The following ATXN7 variants were observed in gnomAD, a reference collection of about 807,000 sequenced individuals.
The protein encoded by ATXN7 is ataxin 7.
ATXN7 carries 12 observed loss-of-function variants against 70.5 expected under a neutral mutation model. That is an observed-to-expected ratio of 0.17 (90% confidence interval 0.11 to 0.28). ATXN7 has a LOEUF of 0.28. Ranked by LOEUF, ATXN7 falls within the 10% of genes least tolerant of loss-of-function variation. The pLI is 1.00. For synonymous variants in ATXN7, 498 were observed against 448.7 expected, an observed-to-expected ratio of 1.11 and a Z score of -1.39; for missense variants, 1,256 against 1,131.7, an observed-to-expected ratio of 1.11 and a Z score of -1.58.
intron 5 of ATXN7, among the ~76,000 whole-genome samples, chr3:63,956,918 C>G (rs1488048027): frequency 6.6e-6 from 1 of 152,098 alleles, no homozygotes; most frequent in Non-Finnish European, 1.5e-5. Context: ...AGTCAGAAGC[C>G]CCATTCTTTT....
Position 64,000,376 on chromosome 3 carries a change from A to T in ATXN7, c.*909A>T, listed in dbSNP as rs1469389950. 6.6e-6 allele frequency: 1 copy of T among 152,510 alleles called. No homozygotes were observed. Among genetic ancestry groups the T allele is most frequent in the Non-Finnish European group, 1.5e-5 (1 of 68,010 alleles). The allele number at this position is 152,510 out of a possible 1,614,324, so 9.4% of individuals were successfully genotyped here. A position where few individuals can be genotyped will look rare whatever the true frequency, so the allele number is the denominator to read the frequency against. On this transcript the variant is annotated 3_prime_UTR_variant, in exon 13 of 13. Transcript: ENST00000674280. ...AGATGAAATTTTCTTAATCCTTTTA[A>T]GTTTTCATAGTAAACAGTATGGCAG...
At chr3:63,995,054 A>G (rs148227818) in intron 11 of ATXN7, among the ~76,000 whole-genome samples, 1 of 152,184 alleles carries the variant, frequency 6.6e-6, no homozygotes, top group Non-Finnish European at 1.5e-5. Flanking sequence ...ACATTTATTC[A>G]GTGCCTTCTG....
chr3:64,002,553 T>A lies in ATXN7; in HGVS notation c.*3086T>A, dbSNP rs2075845109. ...TACTCAGCACATGTATGTTACTATG[T>A]GATGTGGTTTAAAACTAATGGAAAA... On this transcript the variant is annotated 3_prime_UTR_variant, in exon 13 of 13. Coordinates refer to ENST00000674280, the MANE Select transcript of ATXN7 (RefSeq NM_001377405.1). The A allele has an allele frequency of 6.6e-6, 1 of 152,178 alleles. No homozygotes were observed. Among genetic ancestry groups the A allele is most frequent in the Non-Finnish European group, 1.5e-5 (1 of 68,030 alleles). The allele number at this position is 152,178 out of a possible 1,614,324, so 9.4% of individuals were successfully genotyped here. A position where few individuals can be genotyped will look rare whatever the true frequency, so the allele number is the denominator to read the frequency against.
intron 11 of ATXN7, among the ~76,000 whole-genome samples, chr3:63,993,559 T>G (rs557102576): frequency 9.1e-4 from 138 of 152,332 alleles, no homozygotes; most frequent in African/African-American, 3.2e-3. Context: ...ATTTTTATTA[T>G]TTTTTATGTA....
intron 1 of ATXN7, among the ~76,000 whole-genome samples, chr3:63,887,889 T>C (rs1453438139): frequency 6.6e-6 from 1 of 152,084 alleles, no homozygotes; most frequent in East Asian, 1.9e-4. Context: ...TTCTTTTTTT[T>C]TTTTTTTAAT....
At chr3:63,976,766 C>T (rs1248679842) in intron 5 of ATXN7, among the ~76,000 whole-genome samples, 1 of 152,084 alleles carries the variant, frequency 6.6e-6, no homozygotes, top group African/African-American at 2.4e-5. Context: ...CAAAATTACG[C>T]AACAAAAACC....
chr3:63,917,172 G>A (rs1338203223), intron 4 of ATXN7, among the ~76,000 whole-genome samples: 2 of 152,160 alleles, frequency 1.3e-5, no homozygotes, highest in South Asian at 4.2e-4. Context: ...CACCCACCTC[G>A]GCCTCCCAAA....
intron 1 of ATXN7, among the ~76,000 whole-genome samples, chr3:63,895,785 CTCTCTCTCTCTCTCTGTG>C (rs906949011): frequency 2.7e-5 from 4 of 150,010 alleles, no homozygotes; most frequent in Non-Finnish European, 5.9e-5. Context: ...GTTTCTCTGT[CTCTCTCTCTCTCTCTGTG>C]TCTCTCTCTC....
intron 1 of ATXN7, among the ~76,000 whole-genome samples, chr3:63,895,757 CTT>C (rs1426896420): frequency 7.2e-5 from 11 of 151,784 alleles, no homozygotes; most frequent in African/African-American, 2.7e-4. Flanking sequence ...CTCTTTCTCT[CTT>C]TTCTGTCTCT....
At chr3:63,939,828 T>C (rs942893808) in intron 4 of ATXN7, among the ~76,000 whole-genome samples, 3 of 152,118 alleles carry the variant, frequency 2.0e-5, no homozygotes, top group African/African-American at 7.2e-5. Context: ...CAGAATGGGT[T>C]TGGAACTCCC....
At chr3:63,886,654 C>T (rs1185370051) in intron 1 of ATXN7, among the ~76,000 whole-genome samples, 1 of 152,116 alleles carries the variant, frequency 6.6e-6, no homozygotes, top group Non-Finnish European at 1.5e-5. Context: ...ATCTTTGCAA[C>T]TTTTCTGTAA....
At chr3:63,953,563 G>A (rs1312583645) in intron 5 of ATXN7, among the ~76,000 whole-genome samples, 1 of 152,136 alleles carries the variant, frequency 6.6e-6, no homozygotes, top group Non-Finnish European at 1.5e-5. Flanking sequence ...AAGGACAGAA[G>A]TAGGGGGAAT....
chr3:63,880,051 A>G (rs1200244160), intron 1 of ATXN7, among the ~76,000 whole-genome samples: 2 of 152,026 alleles, frequency 1.3e-5, no homozygotes, highest in Non-Finnish European at 1.5e-5. Flanking sequence ...GCGCCACTGC[A>G]CTCTATCCTG....
intron 5 of ATXN7, among the ~76,000 whole-genome samples, chr3:63,960,226 G>A (rs896411053): frequency 1.3e-5 from 2 of 152,214 alleles, no homozygotes; most frequent in South Asian, 2.1e-4. Flanking sequence ...TCCTTAGATG[G>A]AAGTGGTCTT....
In ATXN7 at chr3:63,950,926, TATC is replaced by T. The variant is rs761438383; in HGVS notation, c.395-1450_395-1448del. Among the ~76,000 whole-genome samples the T allele has an allele frequency of 5.4e-4, 82 of 152,312 alleles. 1 individual carries two copies. The highest frequency in any genetic ancestry group is 1.6e-3 in the Admixed American group (25 of 15,304). On this transcript the variant is annotated intron_variant, in intron 4 of 12. Coordinates refer to ENST00000674280, the MANE Select transcript of ATXN7 (RefSeq NM_001377405.1). ...TTGGAATCTGGAAGGACTCTCTAGA[TATC>T]ATTATTCCTCTGGTCTTCAAGAGGT... is the stretch of plus-strand genomic sequence containing the variant.
chr3:63,881,258 A>AGTG (rs1702899057), intron 1 of ATXN7, among the ~76,000 whole-genome samples: 1 of 151,624 alleles, frequency 6.6e-6, no homozygotes, highest in African/African-American at 2.4e-5. Flanking sequence ...GTGATTGAGT[A>AGTG]GTACCAATGC....
At chr3:63,962,925 TTC>T (rs2075155920) in intron 5 of ATXN7, among the ~76,000 whole-genome samples, 1 of 150,820 alleles carries the variant, frequency 6.6e-6, no homozygotes, top group Non-Finnish European at 1.5e-5. Context: ...TTTTTTTTTT[TTC>T]TTCTTCAAGA....
chr3:63,907,456 C>CTTTT (rs946462374), intron 2 of ATXN7, among the ~76,000 whole-genome samples: 91 of 116,626 alleles, frequency 7.8e-4, no homozygotes, highest in Non-Finnish European at 9.6e-4. Context: ...CATTCCTTGT[C>CTTTT]TTTTTTTTTT....
Position 64,003,266 on chromosome 3 carries a change from C to T in ATXN7, c.*3799C>T, listed in dbSNP as rs993780961. On this transcript the variant is annotated 3_prime_UTR_variant, in exon 13 of 13. Coordinates refer to ENST00000674280, the MANE Select transcript of ATXN7 (RefSeq NM_001377405.1). ...TAAAAGCAATCTCCTGTGTTAAAAA[C>T]GTGTGAATAGTTTGATAATTTGTAC... 2.6e-5 allele frequency: 3 copies of T among 115,462 alleles called. No individual in the cohort carries two copies. Among genetic ancestry groups the T allele is most frequent in the Admixed American group, 1.2e-4 (1 of 8,266 alleles). The allele number at this position is 115,462 out of a possible 1,614,324, so 7.2% of individuals were successfully genotyped here. A position where few individuals can be genotyped will look rare whatever the true frequency, so the allele number is the denominator to read the frequency against.
Sources: gnomAD v4.1 joint callset for allele counts (sites outside exome capture counted in the v4.1 genomes callset) on GRCh38, gnomAD v4.1.1 for gene constraint, MANE v1.5 for transcripts, NCBI Gene and HGNC (gene_info 2026-07-23, HGNC 2026-07-21) for gene names.